Variants in PLEC observed in about 807,000 individuals in gnomAD.
The protein encoded by PLEC is hemidesmosomal protein 1.
Under a neutral mutation model 392.8 loss-of-function variants are expected in PLEC, and 216 were observed. That is an observed-to-expected ratio of 0.55 (90% CI 0.49 to 0.62). The LOEUF (loss-of-function observed/expected upper bound fraction) is 0.62, where lower values mean the gene tolerates loss of function less well. Ranked by LOEUF, PLEC falls within the 20% of genes least tolerant of loss-of-function variation. PLEC has a pLI of 0.00. For missense variants in PLEC, 6,863 were observed against 6,563.4 expected (o/e 1.05, Z -1.58); for synonymous variants, 3,621 against 2,980.6 (o/e 1.21, Z -7.00).
chr8:143,935,879 G>A lies in PLEC; in HGVS notation c.571C>T (p.Arg191Cys), dbSNP rs782299716. 39 of 1,612,798 alleles carry A rather than the reference G, an allele frequency of 2.4e-5. No homozygotes were observed. Among genetic ancestry groups the A allele is most frequent in the Non-Finnish European group, 3.1e-5 (36 of 1,179,962 alleles). ...DNFTSSWRDGRLFNAIIHRHK... is the reference protein window; with the variant it reads ...DNFTSSWRDGCLFNAIIHRHK... ...CGGTGGATGATGGCATTGAAGAGGC[G>A]GCCGTCTCTCCAGCTGGAGGTGAAG... Residue 191 changes from arginine (R) to cysteine (C), a missense_variant, in exon 6 of 32, where the codon CGC becomes TGC. By Grantham distance (180) the Arg-to-Cys change is radical. Transcript: ENST00000345136.
chr8:143,927,723 G>C lies in PLEC; in HGVS notation c.3443C>G (p.Ala1148Gly). Residue 1148 changes from alanine (A) to glycine (G), a missense_variant, in exon 27 of 32, where the codon GCC (alanine) becomes GGC (glycine). Transcript: ENST00000345136. ...QAEAQQPTFD[A>G]LRDELRGAQE... ...TGCCCCCCGCAGCTCATCCCGCAGG[G>C]CGTCGAACGTGGGCTGCTGTGCCTC... 1.3e-6 allele frequency: 2 copies of C among 1,593,638 alleles called. No homozygotes were observed. The highest frequency in any genetic ancestry group is 2.7e-5 in the African/African-American group (2 of 74,600).
upstream of PLEC, chr8:143,942,250 C>T (rs1002061852): frequency 4.5e-5 from 43 of 962,604 alleles, no homozygotes; most frequent in Middle Eastern, 9.6e-4. Context: ...CAGGTGTTTC[C>T]GGAGCTCGGG....
upstream of PLEC, among the ~76,000 whole-genome samples, chr8:143,954,502 C>G (rs1009843393): frequency 3.3e-5 from 5 of 152,226 alleles, no homozygotes; most frequent in Non-Finnish European, 5.9e-5. The surrounding 1 kb of genome is among the most constrained non-coding windows in gnomAD (Gnocchi z 4.6). Flanking sequence ...TCTGCCCACT[C>G]GCCAGCATCT....
In PLEC at chr8:143,917,507, A is replaced by G; in HGVS notation, c.12314T>C (p.Met4105Thr). ...CTGGGGGTCAGTGATACAACGCTCC[A>G]TCAGCTGCAGGTAGGTGAGGTTCTC... is the stretch of plus-strand genomic sequence containing the variant. ...TEENLTYLQL[M>T]ERCITDPQTG... Residue 4105 changes from methionine (M) to threonine (T), a missense_variant, in exon 32 of 32, where the codon ATG becomes ACG. Transcript: ENST00000345136. 1 of 1,613,880 alleles carries G rather than the reference A, an allele frequency of 6.2e-7. No homozygotes were observed.
In PLEC at chr8:143,924,373, C is replaced by T. The variant is rs782115169; in HGVS notation, c.5556G>A (p.Ala1852=). The change falls in exon 31 of 32, where the codon GCG becomes GCA. Residue 1852 remains alanine (A), a synonymous_variant. Transcript: ENST00000345136. The stretch of plus-strand genomic sequence containing the variant: ...CCTCCTTCTCCTTGAGCGCGATCTC[C>T]GCCTCCGTCTTGAGCCGCGTGGCCT... ...IGEATRLKTE[A]EIALKEKEAE... The T allele has an allele frequency of 1.3e-5, 21 of 1,596,604 alleles. No individual in the cohort carries two copies. Among genetic ancestry groups the T allele is most frequent in the Admixed American group, 5.0e-5 (3 of 59,890 alleles).
In PLEC at chr8:143,919,376, C is replaced by T. The variant is rs548876454; in HGVS notation, c.10445G>A (p.Arg3482His). 6.2e-5 allele frequency: 100 copies of T among 1,613,730 alleles called. No individual in the cohort carries two copies. The highest frequency in any genetic ancestry group is 5.0e-4 in the Middle Eastern group (3 of 6,054). Residue 3482 changes from arginine (R) to histidine (H), a missense_variant, in exon 32 of 32, where the codon CGC becomes CAC. Arg to His is a conservative substitution (Grantham distance 29, BLOSUM62 0). Transcript: ENST00000345136. ...CTGGTAGGCCACGTCCACAGGCACG[C>T]GGTGGCTGTGCACGGGGTCGATGAT... ...GGIIDPVHSHRVPVDVAYQRG... is the reference protein window; with the variant it reads ...GGIIDPVHSHHVPVDVAYQRG...
rs782372837 is a variant in PLEC, at chr8:143,927,025, C to T, written c.3897G>A (p.Pro1299=). 1.8e-5 allele frequency: 29 copies of T among 1,612,766 alleles called. No homozygotes were observed. The highest frequency in any genetic ancestry group is 1.6e-4 in the Middle Eastern group (1 of 6,084). The change falls in exon 29 of 32, where the codon CCG becomes CCA. Residue 1299 remains proline, a synonymous_variant. Transcript: ENST00000345136. The part of the protein sequence containing the change: ...YKAQLEPVAS[P]AKKPKVQSGS... ...CCGACTGGACCTTGGGCTTCTTGGC[C>T]GGGGAGGCCACCGGCTCAAGCTGCG...
chr8:143,938,043 G>C, intron 3 of PLEC, 108 bp downstream of exon 3: 2 of 779,970 alleles, frequency 2.6e-6, no homozygotes, highest in Non-Finnish European at 4.3e-6. Context: ...GAGGGGTTGA[G>C]CTGGATTCCA....
At chr8:143,971,205 G>A (rs560506059) in intron 1 of PLEC, among the ~76,000 whole-genome samples, 1 of 152,312 alleles carries the variant, frequency 6.6e-6, no homozygotes, top group East Asian at 1.9e-4. Flanking sequence ...GTCTGTGAGA[G>A]GGCACAGTGA....
intron 5 of PLEC, among the ~76,000 whole-genome samples, chr8:143,936,363 G>A (rs1336027273): frequency 2.0e-5 from 3 of 152,362 alleles, no homozygotes; most frequent in Middle Eastern, 3.4e-3. Context: ...GAGCAGAGTG[G>A]AAGGGCAGTG....
rs1554674282 is a variant in PLEC, at chr8:143,918,192, G to A, written c.11629C>T (p.Leu3877=). Residue 3877 remains leucine (L), a synonymous_variant, in exon 32 of 32, where the codon CTG becomes TTG. Coordinates refer to ENST00000345136, the MANE Select transcript of PLEC (RefSeq NM_201384.3). ...AAGGTCAGCTTGCGGGCGTCCGACA[G>A]TGGCAGGAGCAGCTGGCCGGTGCCG... ...DDGTGQLLLP[L]SDARKLTFRG... is the part of the protein sequence containing the mutation. The A allele has an allele frequency of 1.3e-6, 2 of 1,590,248 alleles. No homozygotes were observed. Among genetic ancestry groups the A allele is most frequent in the Non-Finnish European group, 1.7e-6 (2 of 1,174,960 alleles).
At chr8:143,930,638 G>T in intron 19 of PLEC, 102 bp from the exon 20 acceptor site, 1 of 1,273,032 alleles carries the variant, frequency 7.9e-7, no homozygotes, top group Non-Finnish European at 1.1e-6. Flanking sequence ...CCCTCCTGAT[G>T]CTCCCGGGGT....
rs566549191 is a variant in PLEC at position 143,935,914 on chromosome 8, C to T, written c.536G>A (p.Arg179Gln). ...QRMVEGYQGL[R>Q]CDNFTSSWRD... is the part of the protein sequence containing the mutation. The stretch of plus-strand genomic sequence containing the variant: ...CCAGCTGGAGGTGAAGTTGTCGCAT[C>T]GCAGGCCCTGGTACCCCTCCACCAT... The change falls in exon 6 of 32, where the codon CGA becomes CAA. Residue 179 changes from arginine (R) to glutamine (Q), a missense_variant. Arg to Gln is a conservative substitution (Grantham distance 43). Transcript: ENST00000345136. 65 of 1,612,856 alleles carry T rather than the reference C, an allele frequency of 4.0e-5. No individual in the cohort carries two copies. The highest frequency in any genetic ancestry group is 5.5e-5 in the South Asian group (5 of 91,090).
chr8:143,975,343 C>A, upstream of PLEC: 1 of 1,610,718 alleles, frequency 6.2e-7, no homozygotes, highest in Non-Finnish European at 8.5e-7. This position sits in a 1 kb window ranked among gnomAD's most constrained non-coding sequence, Gnocchi z 9.9. Flanking sequence ...CAGAGACTGC[C>A]CGGACCTCAG....
rs1823845422 is a variant in PLEC at position 143,923,826 on chromosome 8, G to GCCGCGCCGACTCCTGCTC, written c.6085_6102dup (p.Glu2029_Arg2034dup). ...GCGGCCTCCTGGGCCAGCTGCAGCT[G>GCCGCGCCGACTCCTGCTC]CCGCGCCGACTCCTGCTCCGCTCGC... On this transcript the variant is annotated inframe_insertion, in exon 31 of 32. Transcript: ENST00000345136. The GCCGCGCCGACTCCTGCTC allele has an allele frequency of 6.3e-7, 1 of 1,585,134 alleles. No individual in the cohort carries two copies.
chr8:143,943,690 G>A (rs1212870342), upstream of PLEC: 6 of 1,246,486 alleles, frequency 4.8e-6, no homozygotes, highest in Non-Finnish European at 6.8e-6. Context: ...TTGGAAACAG[G>A]AAGGGGAGGG....
chr8:143,952,557 A>AC (rs1207874211), upstream of PLEC, among the ~76,000 whole-genome samples: 23 of 146,494 alleles, frequency 1.6e-4, no homozygotes, highest in East Asian at 4.1e-4. Flanking sequence ...CCCTCAGCGC[A>AC]CCCCCCCACA....
chr8:143,922,541 T>G lies in PLEC; in HGVS notation c.7388A>C (p.Gln2463Pro), dbSNP rs782036074. ...GAGCTGCAGCAGTTTGGCCTCCTGTTGGAGCTTCTCCTTCTCACGCTCCAG... is the reference window on the plus strand; with the variant it reads ...GAGCTGCAGCAGTTTGGCCTCCTGTGGGAGCTTCTCCTTCTCACGCTCCAG... ...AELEREKEKL[Q>P]QEAKLLQLKS... Residue 2463 changes from glutamine to proline, a missense_variant, in exon 31 of 32, where the codon CAA becomes CCA. Coordinates refer to ENST00000345136, the MANE Select transcript of PLEC (RefSeq NM_201384.3). 6.2e-7 allele frequency: 1 copy of G among 1,612,628 alleles called. No homozygotes were observed. Among genetic ancestry groups the G allele is most frequent in the Non-Finnish European group, 8.5e-7 (1 of 1,179,990 alleles).
rs782398711 is a variant in PLEC, at chr8:143,919,273, G to T, written c.10548C>A (p.Asn3516Lys). The change falls in exon 32 of 32, where the codon AAC becomes AAA. Residue 3516 changes from asparagine to lysine, a missense_variant. Asn to Lys is a moderately conservative substitution (Grantham distance 94, BLOSUM62 0). Transcript: ENST00000345136. ...SDDTKGFFDP[N>K]THENLTYRQL... ...GCCTGTACGTGAGGTTCTCATGCGT[G>T]TTGGGGTCAAAGAAGCCCTTGGTGT... is the stretch of plus-strand genomic sequence containing the variant. 1 of 1,614,052 alleles carries T rather than the reference G, an allele frequency of 6.2e-7. No homozygotes were observed. The highest frequency in any genetic ancestry group is 8.5e-7 in the Non-Finnish European group (1 of 1,180,046).
Sources: allele counts gnomAD v4.1 joint callset (sites outside exome capture counted in the v4.1 genomes callset), GRCh38; gene constraint gnomAD v4.1.1; non-coding constraint Gnocchi (gnomAD v3.1); transcripts MANE v1.5; gene names NCBI Gene and HGNC (gene_info 2026-07-23, HGNC 2026-07-21).